The following SLC1A4 variants were observed in gnomAD, a reference collection of about 807,000 sequenced individuals.
SLC1A4 encodes solute carrier family 1 member 4.
SLC1A4 carries 19 observed loss-of-function variants against 37.7 expected under a neutral mutation model. That is an observed-to-expected ratio of 0.50 (90% CI 0.35 to 0.74). The LOEUF (loss-of-function observed/expected upper bound fraction) is 0.74. Among genes scored for constraint, SLC1A4 ranks in the 30% least tolerant of loss-of-function variants. The pLI, the probability that SLC1A4 is intolerant of heterozygous loss-of-function variation, is 0.01. For synonymous variants in SLC1A4, 299 were observed against 309.8 expected (o/e 0.97, Z 0.37); for missense variants, 570 against 712.9 (o/e 0.80, Z 2.28).
At chr2:65,019,035 T>TG (rs1170535184) in intron 7 of SLC1A4, among the ~76,000 whole-genome samples, 1 of 152,170 alleles carries the variant, frequency 6.6e-6, no homozygotes, top group Non-Finnish European at 1.5e-5. Context: ...AGTGATCCTT[T>TG]GGGAATGATT....
chr2:65,003,901 T>A, intron 2 of SLC1A4, 52 bp from the exon 3 acceptor site: 1 of 1,411,300 alleles, frequency 7.1e-7, no homozygotes, highest in Middle Eastern at 1.8e-4. Flanking sequence ...TTCCTCTAGG[T>A]CGGTCTTCAC....
intron 2 of SLC1A4, among the ~76,000 whole-genome samples, chr2:65,002,459 A>G (rs1481988353): frequency 6.6e-6 from 1 of 151,430 alleles, no homozygotes; most frequent in Non-Finnish European, 1.5e-5. Flanking sequence ...ATTCCATTGT[A>G]AGAGTATAAC....
rs1443461627 is a variant in SLC1A4 at position 65,012,188 on chromosome 2, C to G, written c.800+1425C>G. ...CACTGCAAGCTCCACCTCCCGGGTT[C>G]AAGCCATTCTCCTGCCTCAGCCTCC... On this transcript the variant is annotated intron_variant, in intron 4 of 7. Coordinates refer to ENST00000234256, the MANE Select transcript of SLC1A4 (RefSeq NM_003038.5). 5.9e-5 allele frequency among the ~76,000 whole-genome samples: 9 copies of G among 152,012 alleles called. No individual in the cohort carries two copies. The East Asian group carries it at 9.6e-4, about 16-fold the overall frequency.
chr2:65,018,416 G>T lies in SLC1A4; in HGVS notation c.1230-129G>T. ...GAAGAGCGTGTGTTGACTCTCAAGGGCGTAGCCAGCAGAGCCTATGGTGGG... is the reference window on the plus strand; with the variant it reads ...GAAGAGCGTGTGTTGACTCTCAAGGTCGTAGCCAGCAGAGCCTATGGTGGG... On this transcript the variant is annotated intron_variant, in intron 6 of 7. Transcript: ENST00000234256. The surrounding 1 kb of genome is among the most constrained non-coding windows in gnomAD (Gnocchi z 4.3). 7.1e-7 allele frequency: 1 copy of T among 1,416,246 alleles called. No homozygotes were observed. 87.7% of individuals were successfully genotyped at this position (1,416,246 alleles called of 1,614,324 possible).
At chr2:64,994,271 C>T (rs1673167775) in intron 1 of SLC1A4, among the ~76,000 whole-genome samples, 1 of 152,244 alleles carries the variant, frequency 6.6e-6, no homozygotes, top group Admixed American at 6.5e-5. Flanking sequence ...TGCTTATGAT[C>T]TCCAGTTGAC....
intron 7 of SLC1A4, among the ~76,000 whole-genome samples, chr2:65,019,521 CATTCA>C (rs1285094429): frequency 3.3e-5 from 5 of 152,184 alleles, no homozygotes; most frequent in Non-Finnish European, 7.3e-5. Flanking sequence ...CGTGGTAAAA[CATTCA>C]ATTCATGTCA....
chr2:65,021,148 G>A lies in SLC1A4; in HGVS notation c.*2G>A. On this transcript the variant is annotated 3_prime_UTR_variant, in exon 8 of 8. Coordinates refer to ENST00000234256, the MANE Select transcript of SLC1A4 (RefSeq NM_003038.5). ...GAATCCAAGGAGTCGGTTCTGTGAT[G>A]GGGCTGGGCTTTGGGCTTGCCTGCC... 3 of 1,611,498 alleles carry A rather than the reference G, an allele frequency of 1.9e-6. No individual in the cohort carries two copies. Among genetic ancestry groups the A allele is most frequent in the Non-Finnish European group, 2.5e-6 (3 of 1,177,722 alleles).
At chr2:65,016,801 T>C (rs1674156841) in intron 5 of SLC1A4, 128 bp downstream of exon 5, 4 of 677,376 alleles carry the variant, frequency 5.9e-6, no homozygotes, top group Non-Finnish European at 1.0e-5. Context: ...ATCGGTCTTC[T>C]GTTATTTTTT....
At chr2:65,019,506 G>A (rs1401670420) in intron 7 of SLC1A4, among the ~76,000 whole-genome samples, 1 of 152,154 alleles carries the variant, frequency 6.6e-6, no homozygotes, top group Non-Finnish European at 1.5e-5. Flanking sequence ...ACAGAATAAT[G>A]AGCACGTGGT....
chr2:64,989,604 C>T lies in SLC1A4; in HGVS notation c.-40C>T. ...GAACCCCGTCTTTTGCCAGAGCCCA[C>T]GTCCCCTGCCACCTCTAGCTCGGAG... On this transcript the variant is annotated 5_prime_UTR_variant, in exon 1 of 8. The change creates a new upstream start codon in the 5' untranslated region. Coordinates refer to ENST00000234256, the MANE Select transcript of SLC1A4 (RefSeq NM_003038.5). The T allele has an allele frequency of 7.0e-7, 1 of 1,437,606 alleles. No homozygotes were observed. Among genetic ancestry groups the T allele is most frequent in the Admixed American group, 3.0e-5 (1 of 33,226 alleles). The allele number at this position is 1,437,606 out of a possible 1,614,324, so 89.1% of individuals were successfully genotyped here. A position where few individuals can be genotyped will look rare whatever the true frequency, so the allele number is the denominator to read the frequency against.
chr2:65,004,109 T>G (rs1673584153), intron 3 of SLC1A4, 94 bp downstream of exon 3: 2 of 1,125,344 alleles, frequency 1.8e-6, no homozygotes, highest in East Asian at 2.5e-5. Context: ...CTGAAAACTT[T>G]GAGGTTTGAA....
At chr2:65,013,774 T>TACCC (rs1674017144) in intron 4 of SLC1A4, among the ~76,000 whole-genome samples, 1 of 152,164 alleles carries the variant, frequency 6.6e-6, no homozygotes, top group Non-Finnish European at 1.5e-5. Context: ...TTTTACTAAC[T>TACCC]ACCCACTCCA....
rs779486448 is a variant in SLC1A4 at position 65,010,696 on chromosome 2, G to A, written c.733G>A (p.Glu245Lys). 5.6e-6 allele frequency: 9 copies of A among 1,614,192 alleles called. No individual in the cohort carries two copies. The highest frequency in any genetic ancestry group is 1.7e-6 in the Non-Finnish European group (2 of 1,180,030). Residue 245 changes from glutamate (E) to lysine (K), a missense_variant, in exon 4 of 8, where the codon GAA becomes AAA. Coordinates refer to ENST00000234256, the MANE Select transcript of SLC1A4 (RefSeq NM_003038.5). ...VALKKLGSEGEDLIRFFNSLN... is the reference protein window; with the variant it reads ...VALKKLGSEGKDLIRFFNSLN... The stretch of plus-strand genomic sequence containing the variant: ...CTTAAAGAAACTAGGCTCCGAAGGA[G>A]AAGACCTCATCCGTTTCTTCAATTC...
intron 3 of SLC1A4, among the ~76,000 whole-genome samples, chr2:65,006,068 A>T (rs1310248413): frequency 6.6e-6 from 1 of 152,204 alleles, no homozygotes; most frequent in Non-Finnish European, 1.5e-5. Flanking sequence ...TCTCTTCAAT[A>T]ACTTTAAGTT....
At chr2:65,014,532 CATG>C in intron 4 of SLC1A4, among the ~76,000 whole-genome samples, 1 of 152,222 alleles carries the variant, frequency 6.6e-6, no homozygotes. Flanking sequence ...CCCCCACCTG[CATG>C]ATGCCACTAG....
chr2:65,016,258 C>T (rs1490617485), intron 4 of SLC1A4, among the ~76,000 whole-genome samples, 182 bp from the exon 5 acceptor site: 1 of 152,152 alleles, frequency 6.6e-6, no homozygotes, highest in Non-Finnish European at 1.5e-5. Context: ...CTCATTTTAC[C>T]CAGTCTCACA....
At chr2:65,017,678 A>G (rs1558527970) in intron 5 of SLC1A4, among the ~76,000 whole-genome samples, 1 of 152,170 alleles carries the variant, frequency 6.6e-6, no homozygotes, top group Non-Finnish European at 1.5e-5. Flanking sequence ...TTTTGGCCTA[A>G]AAGAAAAAAA....
At chr2:64,991,364 G>C (rs985498128) in intron 1 of SLC1A4, among the ~76,000 whole-genome samples, 1 of 148,168 alleles carries the variant, frequency 6.7e-6, no homozygotes, top group Non-Finnish European at 1.5e-5. Context: ...GAGACCAAAA[G>C]TTCTTGCCAA....
intron 5 of SLC1A4, among the ~76,000 whole-genome samples, chr2:65,017,301 T>A (rs527704808): frequency 6.6e-6 from 1 of 151,564 alleles, no homozygotes; most frequent in East Asian, 1.9e-4. Context: ...TGTGGGATTG[T>A]CTCATTTGGC....
Sources: gnomAD v4.1 joint callset for allele counts (sites outside exome capture counted in the v4.1 genomes callset) on GRCh38, gnomAD v4.1.1 for gene constraint, Gnocchi (gnomAD v3.1) non-coding constraint, MANE v1.5 for transcripts, NCBI Gene and HGNC (gene_info 2026-07-23, HGNC 2026-07-21) for gene names.